The following PI16 variants were observed in gnomAD, a reference collection of about 807,000 sequenced individuals.
The protein encoded by PI16 is PSP94-binding protein.
Under a neutral mutation model 38.0 loss-of-function variants are expected in PI16, and 35 were observed. The ratio of observed to expected loss-of-function variants is 0.92; its 90% CI spans 0.70 to 1.22. The LOEUF is 1.22. Among genes scored for constraint, PI16 ranks in the 50% most tolerant of loss-of-function variants. The pLI is 0.00. For synonymous variants in PI16, 275 were observed against 252.9 expected, an observed-to-expected ratio of 1.09 and a Z score of -0.83; for missense variants, 572 against 593.8, an observed-to-expected ratio of 0.96 and a Z score of 0.38.
rs1583239427 is a variant in PI16 at position 36,963,227 on chromosome 6, C to T, written c.885C>T (p.His295=). ...TTEVPSILAA[H]SLPSLDEEPV... ...AGGTCCCTTCCATTTTGGCAGCTCA[C>T]AGCCTGCCCTCCTTGGATGAGGAGC... is the stretch of plus-strand genomic sequence containing the variant. Residue 295 remains histidine, a synonymous_variant, in exon 5 of 7, where the codon CAC becomes CAT. Transcript: ENST00000373674. The T allele has an allele frequency of 3.7e-6, 6 of 1,614,262 alleles. No individual in the cohort carries two copies. In the East Asian group the frequency reaches 1.3e-4, roughly 36 times the overall value.
chr6:36,959,401 C>A, intron 2 of PI16, 35 bp downstream of exon 2: 1 of 1,523,334 alleles, frequency 6.6e-7, no homozygotes, highest in Non-Finnish European at 8.8e-7. Context: ...GGCGGAGCCT[C>A]GCGGCGTGGG....
Position 36,961,440 on chromosome 6 carries a change from C to T in PI16, c.394-11C>T. Reference sequence around the variant, plus strand: ...GCATGGGGCTGAGCTGCTAGGTTTGCCCTTCATCAGGTGGTATGGGCCAAG... The same window carrying T: ...GCATGGGGCTGAGCTGCTAGGTTTGTCCTTCATCAGGTGGTATGGGCCAAG... On this transcript the variant is annotated splice_polypyrimidine_tract_variant and intron_variant, in intron 2 of 6. Coordinates refer to ENST00000373674, the MANE Select transcript of PI16 (RefSeq NM_153370.3). The T allele has an allele frequency of 6.2e-7, 1 of 1,612,788 alleles. No homozygotes were observed. Among genetic ancestry groups the T allele is most frequent in the Non-Finnish European group, 8.5e-7 (1 of 1,178,826 alleles).
chr6:36,960,597 C>T (rs1331005605), intron 2 of PI16, among the ~76,000 whole-genome samples: 6 of 151,908 alleles, frequency 3.9e-5, no homozygotes, highest in Admixed American at 3.9e-4. Context: ...CAGCACCCTT[C>T]CTGGCCCTTT....
In PI16 at chr6:36,962,714, C is replaced by T. The variant is rs1763404056; in HGVS notation, c.593-221C>T. On this transcript the variant is annotated intron_variant, in intron 4 of 6. Coordinates refer to ENST00000373674, the MANE Select transcript of PI16 (RefSeq NM_153370.3). The surrounding 1 kb of genome is among the most constrained non-coding windows in gnomAD (Gnocchi z 4.1). The stretch of plus-strand genomic sequence containing the variant: ...TCTCGAACTCCTGACCTCAGGTGAT[C>T]CACCTGCCTCAGTCTCCCAAAGTGC... 6.6e-6 allele frequency among the ~76,000 whole-genome samples: 1 copy of T among 152,180 alleles called. No individual in the cohort carries two copies. The highest frequency in any genetic ancestry group is 6.5e-5 in the Admixed American group (1 of 15,282).
chr6:36,949,184 A>C (rs1256564196), intron 1 of PI16, among the ~76,000 whole-genome samples: 1 of 151,118 alleles, frequency 6.6e-6, no homozygotes, highest in African/African-American at 2.4e-5. Flanking sequence ...GCTGGAATGC[A>C]GTGGCGTGAT....
At chr6:36,961,785 A>G (rs73422765) in intron 3 of PI16, 101 bp from the exon 4 acceptor site, 40,256 of 1,093,224 alleles carry the variant, frequency 0.037, 2,073 homozygotes, top group African/African-American at 0.19. Flanking sequence ...GGCAGTCAGG[A>G]GACCCAAGGG....
chr6:36,955,726 C>T (rs773964264), intron 1 of PI16, among the ~76,000 whole-genome samples: 4 of 152,156 alleles, frequency 2.6e-5, no homozygotes, highest in Admixed American at 1.3e-4. Flanking sequence ...TGGTGAAACA[C>T]GCAGATGTAG....
At chr6:36,956,513 G>C (rs1047529611) in intron 1 of PI16, among the ~76,000 whole-genome samples, 2 of 152,206 alleles carry the variant, frequency 1.3e-5, no homozygotes, top group African/African-American at 4.8e-5. Context: ...AGGAGGAGGA[G>C]ATGAGGCTGG....
chr6:36,963,843 C>A lies in PI16; in HGVS notation c.1291C>A (p.Pro431Thr), dbSNP rs1763441322. The change falls in exon 6 of 7, where the codon CCT becomes ACT. Residue 431 changes from proline to threonine, a missense_variant. Coordinates refer to ENST00000373674, the MANE Select transcript of PI16 (RefSeq NM_153370.3). ...CACAGGTGCAGAGGGCCCTGACAAG[C>A]CTAGCGTCGTGTCAGGGCTGAACTC... Reference protein sequence around the residue: ...SLPGAEGPDKPSVVSGLNSGP... With the variant: ...SLPGAEGPDKTSVVSGLNSGP... The A allele has an allele frequency of 1.2e-6, 2 of 1,610,180 alleles. No individual in the cohort carries two copies. Among genetic ancestry groups the A allele is most frequent in the African/African-American group, 1.3e-5 (1 of 74,922 alleles).
upstream of PI16, among the ~76,000 whole-genome samples, chr6:36,950,306 G>A (rs1307834671): frequency 6.6e-6 from 1 of 152,122 alleles, no homozygotes; most frequent in Non-Finnish European, 1.5e-5. This position sits in a 1 kb window ranked among gnomAD's most constrained non-coding sequence, Gnocchi z 4.2. Flanking sequence ...TTGTTCTTTT[G>A]TGTCTGGCTT....
intron 2 of PI16, 105 bp downstream of exon 2, chr6:36,959,471 T>C (rs1763296239): frequency 8.7e-7 from 1 of 1,151,122 alleles, no homozygotes; most frequent in Non-Finnish European, 1.2e-6. Flanking sequence ...CTAAGCGTCC[T>C]CGCTGCAAGT....
rs767139014 is a variant in PI16 at position 36,963,236 on chromosome 6, C to G, written c.894C>G (p.Pro298=). ...CCATTTTGGCAGCTCACAGCCTGCC[C>G]TCCTTGGATGAGGAGCCAGTTACCT... The part of the protein sequence containing the change: ...VPSILAAHSL[P]SLDEEPVTFP... Residue 298 remains proline (P), a synonymous_variant, in exon 5 of 7, where the codon CCC becomes CCG. Coordinates refer to ENST00000373674, the MANE Select transcript of PI16 (RefSeq NM_153370.3). The G allele has an allele frequency of 6.2e-7, 1 of 1,614,258 alleles. No individual in the cohort carries two copies. Among genetic ancestry groups the G allele is most frequent in the Non-Finnish European group, 8.5e-7 (1 of 1,180,052 alleles).
chr6:36,951,898 C>T (rs1420222430), upstream of PI16, among the ~76,000 whole-genome samples: 1 of 151,284 alleles, frequency 6.6e-6, no homozygotes, highest in Non-Finnish European at 1.5e-5. Flanking sequence ...GACCCTGTCT[C>T]AAAAACAACA....
intron 1 of PI16, 118 bp from the exon 2 acceptor site, chr6:36,959,027 A>C: frequency 1.1e-6 from 1 of 899,012 alleles, no homozygotes; most frequent in Non-Finnish European, 1.7e-6. Context: ...GGCCATGCCC[A>C]AGAGTCACCC....
chr6:36,953,931 A>G (rs1416026822), upstream of PI16, among the ~76,000 whole-genome samples: 2 of 152,230 alleles, frequency 1.3e-5, no homozygotes, highest in Non-Finnish European at 2.9e-5. Flanking sequence ...CTTCCAAATG[A>G]GCATGTCAAG....
chr6:36,963,981 G>T lies in PI16; in HGVS notation c.*18+19G>T. 6.3e-7 allele frequency: 1 copy of T among 1,594,068 alleles called. No individual in the cohort carries two copies. On this transcript the variant is annotated intron_variant, in intron 6 of 6. Coordinates refer to ENST00000373674, the MANE Select transcript of PI16 (RefSeq NM_153370.3). ...CTCAAAGGCAAGGCCTGGTGAGGGG[G>T]GCCCTGGCCTCATACCCACCTGGAT...
intron 1 of PI16, 24 bp downstream of exon 1, chr6:36,954,955 T>C: frequency 6.2e-7 from 1 of 1,607,590 alleles, no homozygotes; most frequent in Non-Finnish European, 8.5e-7. Flanking sequence ...CGGCCCTTGC[T>C]GGCTGGGATG....
upstream of PI16, among the ~76,000 whole-genome samples, chr6:36,951,473 C>T (rs1286573554): frequency 6.6e-6 from 1 of 152,210 alleles, no homozygotes; most frequent in East Asian, 1.9e-4. Flanking sequence ...TGATCTTGAA[C>T]TTGTGGTCTC....
In PI16 at chr6:36,959,259, G is replaced by A; in HGVS notation, c.286G>A (p.Gly96Ser). ...GENLFAITDE[G>S]MDVPLAMEEW... ...GAATCTGTTCGCCATCACAGACGAG[G>A]GCATGGACGTGCCGCTGGCCATGGA... Residue 96 changes from glycine (G) to serine (S), a missense_variant, in exon 2 of 7, where the codon GGC (glycine) becomes AGC (serine). By Grantham distance (56) the Gly-to-Ser change is moderately conservative. Transcript: ENST00000373674. 1 of 1,605,966 alleles carries A rather than the reference G, an allele frequency of 6.2e-7. No individual in the cohort carries two copies. The highest frequency in any genetic ancestry group is 2.2e-5 in the East Asian group (1 of 44,560).
Sources: gnomAD v4.1 joint callset for allele counts (sites outside exome capture counted in the v4.1 genomes callset) on GRCh38, gnomAD v4.1.1 for gene constraint, Gnocchi (gnomAD v3.1) non-coding constraint, MANE v1.5 for transcripts, NCBI Gene and HGNC (gene_info 2026-07-23, HGNC 2026-07-21) for gene names.